The following FBXL2 variants were observed in gnomAD, a reference collection of about 807,000 sequenced individuals.
The protein encoded by FBXL2 is F-box and leucine rich repeat protein 2, also known as F-box/LRR-repeat protein 2.
In FBXL2, 38 loss-of-function variants were observed where a neutral mutation model predicts 69.2. That is an observed-to-expected ratio of 0.55 (90% CI 0.42 to 0.72). The LOEUF (loss-of-function observed/expected upper bound fraction) is 0.72. Among genes scored for constraint, FBXL2 ranks in the 30% least tolerant of loss-of-function variants. The pLI is 0.00. For synonymous variants in FBXL2, 192 were observed against 201.3 expected (o/e 0.95, Z 0.39); for missense variants, 354 against 520.3 (o/e 0.68, Z 3.11).
intron 2 of FBXL2, among the ~76,000 whole-genome samples, chr3:33,323,502 C>T (rs1575191994): frequency 1.3e-5 from 2 of 152,138 alleles, no homozygotes; most frequent in Non-Finnish European, 2.9e-5. Context: ...ATGTTCCCCT[C>T]CCTGTGTCCA....
chr3:33,402,004 C>T (rs1313415648), intron 12 of FBXL2, among the ~76,000 whole-genome samples: 2 of 125,130 alleles, frequency 1.6e-5, no homozygotes, highest in Non-Finnish European at 4.1e-5. Context: ...TATCCATCTC[C>T]TCAGGGGGAG....
At chr3:33,347,820 T>C (rs2040555137) in intron 2 of FBXL2, among the ~76,000 whole-genome samples, 1 of 152,210 alleles carries the variant, frequency 6.6e-6, no homozygotes, top group South Asian at 2.1e-4. Context: ...GTGTCTTCTT[T>C]TGAGAAATGC....
chr3:33,352,971 G>A (rs1654312736), intron 2 of FBXL2, among the ~76,000 whole-genome samples: 1 of 151,816 alleles, frequency 6.6e-6, no homozygotes, highest in Admixed American at 6.6e-5. Flanking sequence ...TTTTTAAATG[G>A]GCAAAAAATC....
the FBXL2 span, among the ~76,000 whole-genome samples, chr3:33,410,221 C>T: frequency 6.6e-6 from 1 of 152,304 alleles, no homozygotes; most frequent in East Asian, 1.9e-4. Context: ...TGCCCTGTCT[C>T]CTAATACCCA....
rs34703817 is a variant in FBXL2, at chr3:33,322,064, A to ATTTTTTTT, written c.65+24363_65+24370dup. Among the ~76,000 whole-genome samples the ATTTTTTTT allele has an allele frequency of 1.3e-4, 8 of 62,482 alleles. 1 individual carries two copies. Among genetic ancestry groups the ATTTTTTTT allele is most frequent in the African/African-American group, 3.8e-4 (5 of 13,148 alleles). The allele number at this position is 62,482 out of a possible 152,430, so 41.0% of individuals were successfully genotyped here. ...CAAATGTACACGTGGTGACTAGGTG[A>ATTTTTTTT]TTTTTTTTTTTTTTTTTTTTTTTTT... On this transcript the variant is annotated intron_variant, in intron 2 of 14. Transcript: ENST00000484457.
rs1254112575 is a variant in FBXL2, at chr3:33,386,407, A to G, written c.*799A>G. The G allele has an allele frequency of 6.6e-6, 1 of 152,234 alleles. No individual in the cohort carries two copies. The highest frequency in any genetic ancestry group is 1.5e-5 in the Non-Finnish European group (1 of 68,038). The allele number at this position is 152,234 out of a possible 1,614,324, so 9.4% of individuals were successfully genotyped here. A position where few individuals can be genotyped will look rare whatever the true frequency, so the allele number is the denominator to read the frequency against. ...CTCGTAAAACTGGGGGGAACCTTAAAGAGAAAGAACTAAGGCTTAAGTTAT... is the reference window on the plus strand; with the variant it reads ...CTCGTAAAACTGGGGGGAACCTTAAGGAGAAAGAACTAAGGCTTAAGTTAT... On this transcript the variant is annotated 3_prime_UTR_variant, in exon 15 of 15. Transcript: ENST00000484457.
Position 33,385,809 on chromosome 3 carries a change from C to T in FBXL2, c.*201C>T. The T allele has an allele frequency of 1.7e-6, 1 of 583,676 alleles. No homozygotes were observed. Among genetic ancestry groups the T allele is most frequent in the East Asian group, 2.9e-5 (1 of 34,506 alleles). 36.2% of individuals were successfully genotyped at this position (583,676 alleles called of 1,614,324 possible). ...CTGCTGTGAAACAATCAAATCAAAG[C>T]CTTGTGTCAGTTAACACATGACAAG... On this transcript the variant is annotated 3_prime_UTR_variant, in exon 15 of 15. Coordinates refer to ENST00000484457, the MANE Select transcript of FBXL2 (RefSeq NM_012157.5).
chr3:33,323,014 A>G (rs2038368638), intron 2 of FBXL2, among the ~76,000 whole-genome samples: 1 of 152,004 alleles, frequency 6.6e-6, no homozygotes, highest in Non-Finnish European at 1.5e-5. Flanking sequence ...AATGATTCCC[A>G]TTTGCTGTGT....
intron 2 of FBXL2, among the ~76,000 whole-genome samples, chr3:33,349,597 G>A (rs1348119667): frequency 1.3e-5 from 2 of 152,110 alleles, no homozygotes; most frequent in African/African-American, 4.8e-5. Context: ...TGGTATCAGG[G>A]TAATACTGGC....
At chr3:33,334,478 CAG>C (rs2039407473) in intron 2 of FBXL2, among the ~76,000 whole-genome samples, 1 of 152,024 alleles carries the variant, frequency 6.6e-6, no homozygotes, top group African/African-American at 2.4e-5. Context: ...GACAGGTTAA[CAG>C]AAATTATTCA....
chr3:33,344,532 A>T (rs1405554772), intron 2 of FBXL2, among the ~76,000 whole-genome samples: 1 of 152,174 alleles, frequency 6.6e-6, no homozygotes, highest in Non-Finnish European at 1.5e-5. Context: ...TAGGATTGAG[A>T]TAAAATCATA....
chr3:33,343,421 A>C (rs1405628049), intron 2 of FBXL2, among the ~76,000 whole-genome samples: 1 of 152,078 alleles, frequency 6.6e-6, no homozygotes, highest in East Asian at 1.9e-4. Context: ...AATTTAGATT[A>C]ATAAAAAACT....
At chr3:33,384,315 CTT>C in intron 14 of FBXL2, 114 bp downstream of exon 14, 2 of 1,002,118 alleles carry the variant, frequency 2.0e-6, no homozygotes, top group East Asian at 5.2e-5. Context: ...AATCCCAACA[CTT>C]TCAGAAGCCA....
intron 2 of FBXL2, among the ~76,000 whole-genome samples, chr3:33,334,082 C>T (rs2039375502): frequency 6.6e-6 from 1 of 152,150 alleles, no homozygotes; most frequent in Non-Finnish European, 1.5e-5. Context: ...AGGGCTTGTA[C>T]TCTGGGAAAT....
chr3:33,384,996 C>T (rs1372798336), intron 14 of FBXL2, among the ~76,000 whole-genome samples: 1 of 152,072 alleles, frequency 6.6e-6, no homozygotes, highest in Non-Finnish European at 1.5e-5. Flanking sequence ...CCATTGCACT[C>T]CAGCCTGGGC....
At chr3:33,380,629 CTA>C (rs2042989139) in intron 13 of FBXL2, among the ~76,000 whole-genome samples, 2 of 151,112 alleles carry the variant, frequency 1.3e-5, no homozygotes, top group Non-Finnish European at 2.9e-5. Flanking sequence ...ACAGGGATAA[CTA>C]TCACTGTGGC....
chr3:33,289,920 C>A, intron 1 of FBXL2: 1 of 311,164 alleles, frequency 3.2e-6, no homozygotes, highest in Non-Finnish European at 4.7e-6. Flanking sequence ...GGCAAGACAG[C>A]TAAGAAATCT....
At chr3:33,345,961 T>C (rs1203793128) in intron 2 of FBXL2, among the ~76,000 whole-genome samples, 1 of 152,100 alleles carries the variant, frequency 6.6e-6, no homozygotes, top group Admixed American at 6.5e-5. Flanking sequence ...GTGTGGTGGC[T>C]CATGCCTGTA....
At chr3:33,384,288 C>A (rs931434892) in intron 14 of FBXL2, 87 bp downstream of exon 14, 2 of 1,302,622 alleles carry the variant, frequency 1.5e-6, no homozygotes, top group African/African-American at 1.5e-5. Flanking sequence ...GCTAGGCACG[C>A]GGTGGCTCAC....
Sources: allele counts gnomAD v4.1 joint callset (sites outside exome capture counted in the v4.1 genomes callset), GRCh38; gene constraint gnomAD v4.1.1; transcripts MANE v1.5; gene names NCBI Gene and HGNC (gene_info 2026-07-23, HGNC 2026-07-21).